Variants in MAP3K7CL observed in about 807,000 individuals in gnomAD.
The protein encoded by MAP3K7CL is MAP3K7 C-terminal-like protein.
A neutral mutation model predicts 18.6 loss-of-function variants in MAP3K7CL; 16 were observed. The ratio of observed to expected loss-of-function variants is 0.86; its 90% CI spans 0.58 to 1.31. The LOEUF (loss-of-function observed/expected upper bound fraction) is 1.31, where lower values mean the gene tolerates loss of function less well. MAP3K7CL is among the 50% of genes most tolerant of loss of function. MAP3K7CL has a pLI of 0.00. For synonymous variants in MAP3K7CL, 65 were observed against 66.8 expected, an observed-to-expected ratio of 0.97 and a Z score of 0.13; for missense variants, 163 against 174.4, an observed-to-expected ratio of 0.93 and a Z score of 0.37.
At chr21:29,125,420 G>T (rs1488260489) in intron 4 of MAP3K7CL, among the ~76,000 whole-genome samples, 1 of 152,128 alleles carries the variant, frequency 6.6e-6, no homozygotes, top group Non-Finnish European at 1.5e-5. Context: ...TGGTTCAGTG[G>T]TTCTAACCCC....
chr21:29,078,815 C>T (rs974106270), intron 1 of MAP3K7CL, among the ~76,000 whole-genome samples: 14 of 152,282 alleles, frequency 9.2e-5, no homozygotes, highest in African/African-American at 2.6e-4. Context: ...CCTACGACTA[C>T]CATGTTGGTC....
intron 4 of MAP3K7CL, among the ~76,000 whole-genome samples, chr21:29,167,947 C>T (rs975050517): frequency 6.6e-6 from 1 of 151,880 alleles, no homozygotes; most frequent in East Asian, 1.9e-4. Context: ...GGTCCGCCCA[C>T]CTGGCCTCCC....
chr21:29,155,472 G>A (rs116783861), intron 3 of MAP3K7CL, among the ~76,000 whole-genome samples: 2,835 of 152,248 alleles, frequency 0.019, 92 homozygotes, highest in African/African-American at 0.064. Context: ...TGGCTTGGCT[G>A]GGTCCTTCCC....
rs558690800 is a variant in MAP3K7CL, at chr21:29,136,074, CATT to C, written c.70+2664_70+2666del. ...CCTATATATTCTGATTCAGGAGACCCATTATTGTTGTAAGAAGAAAAAGAAAAC... is the reference window on the plus strand; with the variant it reads ...CCTATATATTCTGATTCAGGAGACCCATTGTTGTAAGAAGAAAAAGAAAAC... On this transcript the variant is annotated intron_variant, in intron 2 of 4. Transcript: ENST00000399928. Among the ~76,000 whole-genome samples the C allele has an allele frequency of 1.3e-3, 201 of 152,224 alleles. 2 individuals are homozygous for C. In the East Asian group the frequency reaches 0.015, roughly 11 times the overall value.
upstream of MAP3K7CL, among the ~76,000 whole-genome samples, chr21:29,127,044 G>A (rs1322880488): frequency 6.6e-6 from 1 of 152,194 alleles, no homozygotes; most frequent in Non-Finnish European, 1.5e-5. Flanking sequence ...CTGGGAATGG[G>A]TATTTTTTAA....
At chr21:29,111,500 A>G (rs998865067) in intron 4 of MAP3K7CL, among the ~76,000 whole-genome samples, 13 of 152,116 alleles carry the variant, frequency 8.5e-5, no homozygotes, top group Non-Finnish European at 1.8e-4. Context: ...GTTTAGATCT[A>G]TCTTCTTGTC....
At chr21:29,094,644 T>G (rs1338901709) in intron 4 of MAP3K7CL, among the ~76,000 whole-genome samples, 1 of 152,190 alleles carries the variant, frequency 6.6e-6, no homozygotes, top group African/African-American at 2.4e-5. Flanking sequence ...ATCCTTTGTG[T>G]GATCTGTGTG....
chr21:29,151,948 A>T (rs2087286197), intron 3 of MAP3K7CL, among the ~76,000 whole-genome samples: 1 of 152,222 alleles, frequency 6.6e-6, no homozygotes, highest in Non-Finnish European at 1.5e-5. Context: ...TCTTTAATGA[A>T]TTAGGCAGTT....
chr21:29,142,345 G>A (rs2087028478), intron 2 of MAP3K7CL, among the ~76,000 whole-genome samples: 1 of 152,170 alleles, frequency 6.6e-6, no homozygotes, highest in Admixed American at 6.5e-5. Flanking sequence ...GGAATTACAG[G>A]CATGAGCCAC....
At chr21:29,135,555 T>C (rs2086867498) in intron 2 of MAP3K7CL, among the ~76,000 whole-genome samples, 1 of 152,204 alleles carries the variant, frequency 6.6e-6, no homozygotes, top group African/African-American at 2.4e-5. Context: ...TTAATTTATG[T>C]ACAGAAAAGA....
At chr21:29,106,391 A>C (rs62222395) in intron 4 of MAP3K7CL, among the ~76,000 whole-genome samples, 7,275 of 152,244 alleles carry the variant, frequency 0.048, 230 homozygotes, top group Middle Eastern at 0.11. Flanking sequence ...CCTGTTGGCC[A>C]GGCTGGTCTC....
At chr21:29,078,870 A>T (rs2085791895) in intron 1 of MAP3K7CL, among the ~76,000 whole-genome samples, 1 of 152,244 alleles carries the variant, frequency 6.6e-6, no homozygotes, top group Non-Finnish European at 1.5e-5. Flanking sequence ...GAGACAAGGC[A>T]TGGCTAAGGT....
chr21:29,171,492 C>G (rs2087825232), intron 4 of MAP3K7CL, among the ~76,000 whole-genome samples: 1 of 152,094 alleles, frequency 6.6e-6, no homozygotes, highest in Admixed American at 6.6e-5. Flanking sequence ...TTGATAGTTT[C>G]AAACTTAGAG....
rs186943650 is a variant in MAP3K7CL, at chr21:29,157,319, A to G, written c.133-2622A>G. On this transcript the variant is annotated intron_variant, in intron 3 of 4. Transcript: ENST00000399928. ...ATGGCAACAAATGAGAGAATTTTAC[A>G]ATGTTTTGGTGGGTTATGCAATATA... 1.9e-3 allele frequency among the ~76,000 whole-genome samples: 286 copies of G among 152,324 alleles called. 4 individuals are homozygous for G. The highest frequency in any genetic ancestry group is 6.7e-3 in the African/African-American group (279 of 41,558).
At chr21:29,145,382 G>A (rs2146672281) in intron 2 of MAP3K7CL, among the ~76,000 whole-genome samples, 1 of 152,172 alleles carries the variant, frequency 6.6e-6, no homozygotes, top group East Asian at 1.9e-4. Context: ...CTGCTGTCAG[G>A]AACTCCGATC....
intron 4 of MAP3K7CL, among the ~76,000 whole-genome samples, chr21:29,101,219 AC>A (rs1237237288): frequency 6.6e-6 from 1 of 152,192 alleles, no homozygotes; most frequent in Non-Finnish European, 1.5e-5. Context: ...AATGCCATTT[AC>A]ATGGGTGTGA....
intron 4 of MAP3K7CL, among the ~76,000 whole-genome samples, chr21:29,095,908 G>T (rs770281544): frequency 6.6e-6 from 1 of 152,168 alleles, no homozygotes; most frequent in East Asian, 1.9e-4. Flanking sequence ...AAAACAATTA[G>T]GGCAGTGCCA....
chr21:29,109,238 A>G (rs2086378278), intron 4 of MAP3K7CL: 1 of 1,534,998 alleles, frequency 6.5e-7, no homozygotes, highest in Non-Finnish European at 8.7e-7. Flanking sequence ...TCCGAGGAAG[A>G]AGAAATTCCA....
upstream of MAP3K7CL, among the ~76,000 whole-genome samples, chr21:29,084,098 T>G (rs1037478503): frequency 7.4e-5 from 11 of 149,412 alleles, no homozygotes; most frequent in Non-Finnish European, 1.5e-4. Context: ...TTTCCAAAAT[T>G]GCTAGTTTAT....
Sources: gnomAD v4.1 joint callset for allele counts (sites outside exome capture counted in the v4.1 genomes callset) on GRCh38, gnomAD v4.1.1 for gene constraint, MANE v1.5 for transcripts, NCBI Gene and HGNC (gene_info 2026-07-23, HGNC 2026-07-21) for gene names.